CNOT2: variants seen among roughly 807,000 people sequenced by gnomAD.
The protein encoded by CNOT2 is CCR4-NOT transcription complex subunit 2, also known as CC chemokine receptor 4-negative regulator of transcription 2.
In CNOT2, 7 loss-of-function variants were observed where a neutral mutation model predicts 72.1. The observed-to-expected ratio is 0.10, with a 90% confidence interval of 0.06 to 0.18. The LOEUF is 0.18. CNOT2 is among the 10% of genes least tolerant of loss of function. The pLI, the probability that CNOT2 is intolerant of heterozygous loss-of-function variation, is 1.00. For missense variants in CNOT2, 345 were observed against 660.3 expected, an observed-to-expected ratio of 0.52 and a Z score of 5.23; for synonymous variants, 196 against 225.6, an observed-to-expected ratio of 0.87 and a Z score of 1.17.
chr12:70,260,018 G>C (rs1469773437), intron 1 of CNOT2, among the ~76,000 whole-genome samples: 1 of 152,148 alleles, frequency 6.6e-6, no homozygotes, highest in Non-Finnish European at 1.5e-5. Flanking sequence ...CTGTTTCATT[G>C]ATTGGTATGC....
chr12:70,303,393 C>A lies in CNOT2; in HGVS notation c.49-7502C>A, dbSNP rs187548622. 6.1e-4 allele frequency among the ~76,000 whole-genome samples: 93 copies of A among 152,284 alleles called. 1 individual carries two copies. Among genetic ancestry groups the A allele is most frequent in the Non-Finnish European group, 1.1e-3 (77 of 68,030 alleles). On this transcript the variant is annotated intron_variant, in intron 2 of 15. Coordinates refer to ENST00000229195, the MANE Select transcript of CNOT2 (RefSeq NM_014515.7). ...CCGTGTTTAGTGCTTCCTTCATGAG[C>A]TATTTTAGGGCAGGCCTGGTGGTGA...
At chr12:70,352,202 G>A (rs1260615749) in intron 15 of CNOT2, among the ~76,000 whole-genome samples, 1 of 152,094 alleles carries the variant, frequency 6.6e-6, no homozygotes, top group African/African-American at 2.4e-5. Context: ...TTTGTCACAT[G>A]GAGGCTTTTT....
chr12:70,308,891 CT>C (rs1236594564), intron 2 of CNOT2, among the ~76,000 whole-genome samples: 7 of 151,944 alleles, frequency 4.6e-5, no homozygotes, highest in Admixed American at 3.3e-4. Context: ...TCACCTGAAA[CT>C]TTATTGAATA....
intron 2 of CNOT2, among the ~76,000 whole-genome samples, chr12:70,282,015 A>G (rs1332919309): frequency 6.6e-6 from 1 of 152,194 alleles, no homozygotes; most frequent in East Asian, 1.9e-4. Context: ...GTATCTAATA[A>G]GCTTCTTGAA....
chr12:70,305,804 C>A (rs955389874), intron 2 of CNOT2, among the ~76,000 whole-genome samples: 25 of 149,792 alleles, frequency 1.7e-4, no homozygotes, highest in African/African-American at 6.1e-4. Context: ...AATTGCCATT[C>A]ATCCTGCCTG....
At chr12:70,349,449 G>A (rs1882599685) in intron 15 of CNOT2, among the ~76,000 whole-genome samples, 1 of 152,070 alleles carries the variant, frequency 6.6e-6, no homozygotes, top group African/African-American at 2.4e-5. Flanking sequence ...ATATTATGGT[G>A]TTCTTGAAAG....
In CNOT2 at chr12:70,337,971, A is replaced by G. The variant is rs1880923775; in HGVS notation, c.900+458A>G. 1.2e-5 allele frequency: 3 copies of G among 245,494 alleles called. No individual in the cohort carries two copies. In the South Asian group the frequency reaches 1.4e-4, roughly 11 times the overall value. The allele number at this position is 245,494 out of a possible 1,614,324, so 15.2% of individuals were successfully genotyped here. Reference sequence around the variant, plus strand: ...CTCTGTGTGTGATGGGAGTTTATATATTATTAAAATAATTGATAAAGAAGA... The same window carrying G: ...CTCTGTGTGTGATGGGAGTTTATATGTTATTAAAATAATTGATAAAGAAGA... On this transcript the variant is annotated intron_variant, in intron 9 of 15. Coordinates refer to ENST00000229195, the MANE Select transcript of CNOT2 (RefSeq NM_014515.7).
chr12:70,283,798 T>G (rs1393967284), intron 2 of CNOT2, among the ~76,000 whole-genome samples: 1 of 152,080 alleles, frequency 6.6e-6, no homozygotes, highest in African/African-American at 2.4e-5. Context: ...ACTTTTTATG[T>G]GCCCTTTACT....
chr12:70,338,436 A>T lies in CNOT2; in HGVS notation c.901-7A>T. The stretch of plus-strand genomic sequence containing the variant: ...TTTAATGTCACATTTAATTTTTTTC[A>T]TGCTAGAATTTGAATACATCTGGCA... On this transcript the variant is annotated splice_region_variant and splice_polypyrimidine_tract_variant and intron_variant, in intron 9 of 15. Transcript: ENST00000229195. 1 of 1,589,838 alleles carries T rather than the reference A, an allele frequency of 6.3e-7. No individual in the cohort carries two copies. Among genetic ancestry groups the T allele is most frequent in the Non-Finnish European group, 8.5e-7 (1 of 1,172,498 alleles).
chr12:70,251,284 G>A (rs1328567703), intron 1 of CNOT2, among the ~76,000 whole-genome samples: 7 of 152,098 alleles, frequency 4.6e-5, no homozygotes, highest in African/African-American at 1.7e-4. Context: ...GAGTTAATGA[G>A]TTGGCTTCAA....
chr12:70,325,340 A>G (rs551913044), intron 4 of CNOT2, among the ~76,000 whole-genome samples: 13 of 152,012 alleles, frequency 8.6e-5, no homozygotes, highest in African/African-American at 2.9e-4. Flanking sequence ...AATTTTTAAA[A>G]TTCCACTGCC....
intron 2 of CNOT2, among the ~76,000 whole-genome samples, chr12:70,304,521 T>C (rs1874832439): frequency 6.6e-6 from 1 of 152,202 alleles, no homozygotes. Flanking sequence ...AGAGCAGATA[T>C]TGGTGAACCA....
intron 8 of CNOT2, 74 bp downstream of exon 8, chr12:70,335,637 C>A (rs1371406986): frequency 5.5e-6 from 6 of 1,096,774 alleles, no homozygotes; most frequent in Non-Finnish European, 6.9e-6. Context: ...TTTACATGTA[C>A]GTATACATAT....
chr12:70,267,644 C>G (rs1959116471), intron 1 of CNOT2, among the ~76,000 whole-genome samples: 1 of 152,236 alleles, frequency 6.6e-6, no homozygotes, highest in Admixed American at 6.5e-5. Flanking sequence ...GCATGTAGTT[C>G]CCTTTACTCA....
intron 11 of CNOT2, among the ~76,000 whole-genome samples, 192 bp downstream of exon 11, chr12:70,339,014 ATGTGTGTGTGTGTGTG>A (rs143055295): frequency 3.1e-5 from 4 of 130,966 alleles, no homozygotes; most frequent in East Asian, 2.5e-4. Context: ...TTGGCATTTT[ATGTGTGTGTGTGTGTG>A]TGTGTGTGTG....
At chr12:70,304,976 G>C (rs1273366935) in intron 2 of CNOT2, among the ~76,000 whole-genome samples, 1 of 152,234 alleles carries the variant, frequency 6.6e-6, no homozygotes, top group African/African-American at 2.4e-5. Context: ...TCTGAGCCAG[G>C]TGCGGGATAT....
chr12:70,288,665 T>C (rs1053661491), intron 2 of CNOT2, among the ~76,000 whole-genome samples: 1 of 152,228 alleles, frequency 6.6e-6, no homozygotes, highest in African/African-American at 2.4e-5. Flanking sequence ...CACCTGAGAA[T>C]AATGTCTGGC....
chr12:70,278,329 T>C, intron 2 of CNOT2, 55 bp downstream of exon 2: 1 of 1,254,264 alleles, frequency 8.0e-7, no homozygotes, highest in Non-Finnish European at 1.2e-6. Flanking sequence ...ACATTGAAAC[T>C]GTTCAAATGT....
chr12:70,248,232 C>G (rs990338607), intron 1 of CNOT2, among the ~76,000 whole-genome samples: 3 of 152,090 alleles, frequency 2.0e-5, no homozygotes, highest in African/African-American at 7.2e-5. Context: ...CACCTTTTTC[C>G]TCCTAATGCC....
Sources: allele counts gnomAD v4.1 joint callset (sites outside exome capture counted in the v4.1 genomes callset), GRCh38; gene constraint gnomAD v4.1.1; transcripts MANE v1.5; gene names NCBI Gene and HGNC (gene_info 2026-07-23, HGNC 2026-07-21).